The following EXOC4 variants were observed in gnomAD, a reference collection of about 807,000 sequenced individuals.
EXOC4 encodes the protein SEC8-like 1.
A neutral mutation model predicts 107.2 loss-of-function variants in EXOC4; 71 were observed. The ratio of observed to expected loss-of-function variants is 0.66; its 90% confidence interval spans 0.55 to 0.81. The LOEUF (loss-of-function observed/expected upper bound fraction) is 0.81, where lower values mean the gene tolerates loss of function less well. Among genes scored for constraint, EXOC4 ranks in the 30% least tolerant of loss-of-function variants. EXOC4 has a pLI of 0.00. For synonymous variants in EXOC4, 456 were observed against 441.2 expected, an observed-to-expected ratio of 1.03 and a Z score of -0.42; for missense variants, 1,108 against 1,189.6, an observed-to-expected ratio of 0.93 and a Z score of 1.01.
At chr7:133,699,327 G>A (rs970286004) in intron 10 of EXOC4, among the ~76,000 whole-genome samples, 12 of 152,018 alleles carry the variant, frequency 7.9e-5, no homozygotes, top group Admixed American at 6.6e-4. Context: ...GTTTTTTTAA[G>A]TGTATGTCTT....
At chr7:134,032,873 A>G in intron 17 of EXOC4, among the ~76,000 whole-genome samples, 1 of 152,246 alleles carries the variant, frequency 6.6e-6, no homozygotes, top group Non-Finnish European at 1.5e-5. Context: ...AATGCCATGC[A>G]TTGAAAGTTA....
At chr7:133,485,170 C>T (rs1472965507) in intron 9 of EXOC4, among the ~76,000 whole-genome samples, 1 of 151,592 alleles carries the variant, frequency 6.6e-6, no homozygotes, top group Admixed American at 6.6e-5. Context: ...AAAGTATCAT[C>T]ATGGAGTTAA....
chr7:133,903,462 C>A (rs1262880659), intron 12 of EXOC4, among the ~76,000 whole-genome samples: 1 of 152,050 alleles, frequency 6.6e-6, no homozygotes, highest in Non-Finnish European at 1.5e-5. Context: ...GAAGGACCAG[C>A]CAGCTGAATT....
chr7:133,712,305 G>A (rs1024984551), intron 10 of EXOC4, among the ~76,000 whole-genome samples: 7 of 151,916 alleles, frequency 4.6e-5, no homozygotes, highest in Admixed American at 4.6e-4. Context: ...TGGGCATGGT[G>A]GTACATGCCT....
At chr7:133,460,913 G>A (rs1445478341) in intron 7 of EXOC4, among the ~76,000 whole-genome samples, 1 of 152,156 alleles carries the variant, frequency 6.6e-6, no homozygotes, top group East Asian at 1.9e-4. Flanking sequence ...CTCAAGTCGT[G>A]TTGGGAGGTG....
At chr7:133,624,578 A>ATC (rs1256873165) in intron 9 of EXOC4, among the ~76,000 whole-genome samples, 2 of 151,620 alleles carry the variant, frequency 1.3e-5, no homozygotes, top group Admixed American at 6.6e-5. Flanking sequence ...GCAAGACTGC[A>ATC]TCTCTCTCTC....
At chr7:133,585,350 T>G (rs1468741714) in intron 9 of EXOC4, among the ~76,000 whole-genome samples, 2 of 152,236 alleles carry the variant, frequency 1.3e-5, no homozygotes, top group Non-Finnish European at 2.9e-5. Context: ...ACATGGTTAC[T>G]TTTTCTGATC....
intron 14 of EXOC4, among the ~76,000 whole-genome samples, chr7:133,958,232 T>C (rs1010951184): frequency 6.6e-6 from 1 of 151,256 alleles, no homozygotes; most frequent in Non-Finnish European, 1.5e-5. Context: ...GAATCAACCA[T>C]TTTTCTTATT....
intron 7 of EXOC4, among the ~76,000 whole-genome samples, chr7:133,446,497 A>G (rs1241156198): frequency 1.3e-5 from 2 of 152,170 alleles, no homozygotes; most frequent in African/African-American, 2.4e-5. Context: ...ATGCCAGCTT[A>G]TAACTTGGCA....
chr7:133,411,721 G>A (rs1053628709), intron 7 of EXOC4, among the ~76,000 whole-genome samples: 2 of 152,056 alleles, frequency 1.3e-5, no homozygotes, highest in African/African-American at 4.8e-5. Flanking sequence ...TCTCAAGAAA[G>A]TCATTTGAAC....
chr7:133,698,520 T>A, intron 10 of EXOC4, among the ~76,000 whole-genome samples: 1 of 149,482 alleles, frequency 6.7e-6, no homozygotes, highest in South Asian at 2.1e-4. Flanking sequence ...AGGTTGAGGT[T>A]GCAGTGAGCC....
At chr7:133,862,899 C>T (rs1016087401) in intron 11 of EXOC4, among the ~76,000 whole-genome samples, 1 of 152,100 alleles carries the variant, frequency 6.6e-6, no homozygotes, top group South Asian at 2.1e-4. Context: ...TGAAAATTAA[C>T]ATCTAAAGTA....
At chr7:133,455,399 G>A (rs1414488199) in intron 7 of EXOC4, among the ~76,000 whole-genome samples, 1 of 152,150 alleles carries the variant, frequency 6.6e-6, no homozygotes, top group African/African-American at 2.4e-5. Context: ...GTTAGGGGAG[G>A]TGGGGATGGG....
chr7:133,716,524 G>A (rs186346141), intron 10 of EXOC4, among the ~76,000 whole-genome samples: 1 of 152,210 alleles, frequency 6.6e-6, no homozygotes, highest in East Asian at 1.9e-4. Context: ...ACATAAAATG[G>A]TTTTTAATAT....
chr7:133,741,505 T>C (rs1478185047), intron 10 of EXOC4, among the ~76,000 whole-genome samples: 2 of 152,220 alleles, frequency 1.3e-5, no homozygotes, highest in African/African-American at 4.8e-5. Context: ...AGAGTGTTTC[T>C]CTCCACTAGG....
At chr7:133,565,199 G>A (rs6467497) in intron 9 of EXOC4, among the ~76,000 whole-genome samples, 94,057 of 151,918 alleles carry the variant, frequency 0.62, 30,245 homozygotes, top group South Asian at 0.73. Context: ...GACATGTGTG[G>A]TGGGCTCGAT....
intron 7 of EXOC4, among the ~76,000 whole-genome samples, chr7:133,443,999 A>G (rs1336418216): frequency 2.6e-5 from 4 of 152,200 alleles, no homozygotes. Context: ...AATTAGGAGC[A>G]TTTCCTATTC....
intron 17 of EXOC4, among the ~76,000 whole-genome samples, chr7:134,023,268 A>C (rs1020978531): frequency 6.6e-6 from 1 of 152,122 alleles, no homozygotes; most frequent in South Asian, 2.1e-4. Flanking sequence ...AAAATCAGTA[A>C]CTCAATATGA....
At chr7:133,571,661 T>A (rs1316613747) in intron 9 of EXOC4, among the ~76,000 whole-genome samples, 1 of 143,540 alleles carries the variant, frequency 7.0e-6, no homozygotes, top group Non-Finnish European at 1.5e-5. Flanking sequence ...GATGACAGAG[T>A]GAGACTTTGC....
Sources: gnomAD v4.1 joint callset for allele counts (sites outside exome capture counted in the v4.1 genomes callset) on GRCh38, gnomAD v4.1.1 for gene constraint, MANE v1.5 for transcripts, NCBI Gene and HGNC (gene_info 2026-07-23, HGNC 2026-07-21) for gene names.